TMC5: variants seen among roughly 807,000 people sequenced by gnomAD.
The protein encoded by TMC5 is transmembrane channel-like protein 5.
A neutral mutation model predicts 110.5 loss-of-function variants in TMC5; 86 were observed. That is an observed-to-expected ratio of 0.78 (90% CI 0.65 to 0.93). TMC5 has a LOEUF of 0.93. Ranked by LOEUF, TMC5 falls within the 40% of genes least tolerant of loss-of-function variation. The pLI is 0.00. For missense variants in TMC5, 1,144 were observed against 1,222.8 expected (o/e 0.94, Z 0.96); for synonymous variants, 455 against 439.5 (o/e 1.04, Z -0.44).
At position 19,463,366 on chromosome 16, in the gene TMC5, G is replaced by C; in HGVS notation, c.1235G>C (p.Arg412Pro). 1 of 1,610,710 alleles carries C rather than the reference G, an allele frequency of 6.2e-7. No individual in the cohort carries two copies. The change falls in exon 7 of 22, where the codon CGG (arginine) becomes CCG (proline). Residue 412 changes from arginine (R) to proline (P), a missense_variant and splice_region_variant. Transcript: ENST00000542583. Reference sequence around the variant, plus strand: ...ATTCAGTGTCTGAACTCCATTTCCCGGGTAAGTCAGTAAAACAGGCACAGC... The same window carrying C: ...ATTCAGTGTCTGAACTCCATTTCCCCGGTAAGTCAGTAAAACAGGCACAGC... The part of the protein sequence containing the change: ...CCIQCLNSIS[R>P]AYRRSKNSLS...
At chr16:19,467,160 A>G (rs558912547) in intron 9 of TMC5, among the ~76,000 whole-genome samples, 1 of 150,240 alleles carries the variant, frequency 6.7e-6, no homozygotes, top group Non-Finnish European at 1.5e-5. Flanking sequence ...AAAGAGAGAG[A>G]AAGAAAGAAA....
At chr16:19,456,972 G>A in intron 5 of TMC5, 1 of 1,614,054 alleles carries the variant, frequency 6.2e-7, no homozygotes, top group East Asian at 2.2e-5. Context: ...AGCCTAGAAT[G>A]CATGGGCATA....
upstream of TMC5, among the ~76,000 whole-genome samples, chr16:19,412,967 C>T (rs1966860011): frequency 6.6e-6 from 1 of 152,184 alleles, no homozygotes; most frequent in Non-Finnish European, 1.5e-5. Context: ...CCTCAGCTTC[C>T]TGAGTAGCTG....
rs772570263 is a variant in TMC5, at chr16:19,497,920, A to G, written c.2975A>G (p.Asp992Gly). The change falls in exon 22 of 22, where the codon GAC becomes GGC. Residue 992 changes from aspartate to glycine, a missense_variant and splice_region_variant. Transcript: ENST00000542583. ...CTTCTCTTTCCTGTGTCAAACCTAGACTTGCGATCTAGAAGATCAGTTCAA... is the reference window on the plus strand; with the variant it reads ...CTTCTCTTTCCTGTGTCAAACCTAGGCTTGCGATCTAGAAGATCAGTTCAA... The part of the protein sequence containing the change: ...LHLGEHDGSL[D>G]LRSRRSVQEG... The G allele has an allele frequency of 6.2e-7, 1 of 1,613,932 alleles. No individual in the cohort carries two copies. The highest frequency in any genetic ancestry group is 1.1e-5 in the South Asian group (1 of 91,074).
chr16:19,440,690 C>A lies in TMC5; in HGVS notation c.652C>A (p.Pro218Thr). ...PGADIQPNSP[P>T]FFGEPDYPSA... ...CGCTGACATTCAACCTAACTCTCCA[C>A]CCTTTTTTGGGGAGCCAGACTATCC... The change falls in exon 3 of 22, where the codon CCC (proline) becomes ACC (threonine). Residue 218 changes from proline (P) to threonine (T), a missense_variant. Transcript: ENST00000542583. 6.2e-7 allele frequency: 1 copy of A among 1,614,204 alleles called. No individual in the cohort carries two copies. The highest frequency in any genetic ancestry group is 1.1e-5 in the South Asian group (1 of 91,082).
At chr16:19,443,982 T>C in intron 3 of TMC5, 99 bp from the exon 4 acceptor site, 2 of 1,175,752 alleles carry the variant, frequency 1.7e-6, no homozygotes, top group Non-Finnish European at 2.4e-6. Flanking sequence ...AATAAATGGA[T>C]GAATACATGA....
intron 11 of TMC5, among the ~76,000 whole-genome samples, chr16:19,473,903 C>T (rs548570797): frequency 2.6e-5 from 4 of 152,004 alleles, no homozygotes; most frequent in Admixed American, 6.6e-5. Flanking sequence ...CCACTTGAAC[C>T]GAGGAAGTGG....
intron 2 of TMC5, among the ~76,000 whole-genome samples, chr16:19,431,007 C>T (rs67423665): frequency 0.048 from 7,261 of 151,800 alleles, 266 homozygotes; most frequent in African/African-American, 0.096. Flanking sequence ...TACAGGCACG[C>T]GCCACAACAA....
intron 19 of TMC5, among the ~76,000 whole-genome samples, chr16:19,492,556 C>T (rs1362427434): frequency 6.6e-6 from 1 of 152,016 alleles, no homozygotes; most frequent in Non-Finnish European, 1.5e-5. Context: ...AGCGATTCTC[C>T]TGCCCCAACC....
In TMC5 at chr16:19,440,768, T is replaced by C. The variant is rs1967468491; in HGVS notation, c.730T>C (p.Ser244Pro). The C allele has an allele frequency of 6.2e-7, 1 of 1,613,946 alleles. No individual in the cohort carries two copies. The highest frequency in any genetic ancestry group is 8.5e-7 in the Non-Finnish European group (1 of 1,180,032). The change falls in exon 3 of 22, where the codon TCA becomes CCA. Residue 244 changes from serine to proline, a missense_variant. Transcript: ENST00000542583. The part of the protein sequence containing the change: ...LPSTWREPDY[S>P]DAENGHDYGS... ...AAGCACTTGGAGAGAACCTGATTAT[T>C]CAGATGCTGAGAATGGTCATGATTA...
At chr16:19,468,474 C>G (rs568130428) in intron 9 of TMC5, among the ~76,000 whole-genome samples, 1 of 150,378 alleles carries the variant, frequency 6.6e-6, no homozygotes, top group Non-Finnish European at 1.5e-5. Context: ...TAATCTCCCC[C>G]GACCCCCCCC....
chr16:19,415,412 C>A (rs946191384), upstream of TMC5, among the ~76,000 whole-genome samples: 1 of 152,116 alleles, frequency 6.6e-6, no homozygotes, highest in African/African-American at 2.4e-5. Flanking sequence ...TTTTGGTTGT[C>A]GTAGCTTGCA....
intron 5 of TMC5, among the ~76,000 whole-genome samples, chr16:19,450,445 T>C (rs59370144): frequency 0.07 from 10,704 of 152,290 alleles, 756 homozygotes; most frequent in African/African-American, 0.19. Context: ...CAATGTCACC[T>C]GGACTCTGGT....
intron 16 of TMC5, 37 bp from the exon 17 acceptor site, chr16:19,487,155 CG>C: frequency 6.2e-7 from 1 of 1,604,148 alleles, no homozygotes; most frequent in South Asian, 1.1e-5. Flanking sequence ...GCCGCTGCTC[CG>C]GCTGCAGATG....
At chr16:19,486,902 G>GTGTC in intron 15 of TMC5, 43 bp from the exon 16 acceptor site, 1 of 1,565,590 alleles carries the variant, frequency 6.4e-7, no homozygotes, top group Non-Finnish European at 8.8e-7. Flanking sequence ...CCGACTCCTT[G>GTGTC]TGTCTCCGCC....
chr16:19,442,000 T>A (rs1371687057), intron 3 of TMC5, among the ~76,000 whole-genome samples: 1 of 152,036 alleles, frequency 6.6e-6, no homozygotes, highest in African/African-American at 2.4e-5. Flanking sequence ...ACAGGGTTTC[T>A]CCACGTTGGT....
At chr16:19,419,225 C>T (rs1567294343) in intron 1 of TMC5, among the ~76,000 whole-genome samples, 1 of 152,112 alleles carries the variant, frequency 6.6e-6, no homozygotes, top group Non-Finnish European at 1.5e-5. Context: ...GTTGCTGATA[C>T]ATGTGAAGGG....
intron 18 of TMC5, among the ~76,000 whole-genome samples, chr16:19,490,811 CTT>C (rs1382016184): frequency 7.3e-6 from 1 of 136,084 alleles, no homozygotes; most frequent in Non-Finnish European, 1.6e-5. Flanking sequence ...CCCTCCCTCT[CTT>C]TCTCCCTTTC....
chr16:19,477,479 T>C lies in TMC5; in HGVS notation c.2130T>C (p.Cys710=), dbSNP rs751005376. 8 of 1,613,052 alleles carry C rather than the reference T, an allele frequency of 5.0e-6. No individual in the cohort carries two copies. In the South Asian group the frequency reaches 8.8e-5, roughly 18 times the overall value. ...FLKISIIGIL[C]YYWLNTVALS... ...AAATATCAATCATTGGCATTCTTTG[T>C]TACTATTGGCTCAACACCGTGGCCC... The change falls in exon 13 of 22, where the codon TGT becomes TGC. Residue 710 remains cysteine (C), a synonymous_variant. Transcript: ENST00000542583.
Sources: gnomAD v4.1 joint callset for allele counts (sites outside exome capture counted in the v4.1 genomes callset) on GRCh38, gnomAD v4.1.1 for gene constraint, MANE v1.5 for transcripts, NCBI Gene and HGNC (gene_info 2026-07-23, HGNC 2026-07-21) for gene names.